The following KCNJ1 variants were observed in gnomAD, a reference collection of about 807,000 sequenced individuals.
The protein encoded by KCNJ1 is potassium inwardly rectifying channel subfamily J member 1.
Under a neutral mutation model 21.9 loss-of-function variants are expected in KCNJ1, and 24 were observed. The observed-to-expected ratio is 1.10, with a 90% CI of 0.79 to 1.54. The LOEUF is 1.54. Ranked by LOEUF, KCNJ1 falls within the 40% of genes most tolerant of loss-of-function variation. The probability of loss-of-function intolerance (pLI) is 0.00; values close to 1 mark genes in which losing one functional copy is unlikely to be tolerated. For synonymous variants in KCNJ1, 152 were observed against 160.9 expected (o/e 0.94, Z 0.42); for missense variants, 457 against 455.4 (o/e 1.00, Z -0.03).
chr11:128,843,047 T>A (rs1943315706), intron 2 of KCNJ1, among the ~76,000 whole-genome samples: 1 of 152,246 alleles, frequency 6.6e-6, no homozygotes, highest in South Asian at 2.1e-4. Flanking sequence ...CGGGAAAACC[T>A]GGCATTTACT....
chr11:128,839,520 A>C lies in KCNJ1; in HGVS notation c.724T>G (p.Phe242Val). 6.2e-7 allele frequency: 1 copy of C among 1,614,254 alleles called. No homozygotes were observed. The highest frequency in any genetic ancestry group is 1.1e-5 in the South Asian group (1 of 91,086). Residue 242 changes from phenylalanine (F) to valine (V), a missense_variant, in exon 3 of 3, where the codon TTC becomes GTC. Transcript: ENST00000392666. ...FVVDAGNENL[F>V]FISPLTIYHV... ...TAAATTGTCAATGGGGAGATGAAGA[A>C]TAAATTTTCATTCCCAGCGTCAACT...
In KCNJ1 at chr11:128,850,852, G is replaced by C. The variant is rs1244828147; in HGVS notation, c.-153C>G. 6.1e-6 allele frequency: 6 copies of C among 985,412 alleles called. No homozygotes were observed. Among genetic ancestry groups the C allele is most frequent in the Non-Finnish European group, 7.2e-6 (6 of 829,984 alleles). 61.0% of individuals were successfully genotyped at this position (985,412 alleles called of 1,614,324 possible). A position where few individuals can be genotyped will look rare whatever the true frequency, so the allele number is the denominator to read the frequency against. On this transcript the variant is annotated 5_prime_UTR_variant, in exon 2 of 3. Coordinates refer to ENST00000392666, the MANE Select transcript of KCNJ1 (RefSeq NM_153766.3). ...AGAACTTGTCACACTGTCTTTGTCA[G>C]GGCCCAGGATGGGGATGAAGGCACA...
chr11:128,860,684 G>A (rs1943689790), intron 1 of KCNJ1, among the ~76,000 whole-genome samples: 1 of 152,222 alleles, frequency 6.6e-6, no homozygotes, highest in Admixed American at 6.5e-5. Context: ...TGACCCCAAG[G>A]GGCAGGCGGG....
chr11:128,850,720 CCT>C lies in KCNJ1; in HGVS notation c.-23_-22del. The C allele has an allele frequency of 1.0e-6, 1 of 985,078 alleles. No homozygotes were observed. The highest frequency in any genetic ancestry group is 1.2e-6 in the Non-Finnish European group (1 of 829,606). The allele number at this position is 985,078 out of a possible 1,614,324, so 61.0% of individuals were successfully genotyped here. ...TGCTTATTGAAAATCAAGCCACTCACCTCTGTCAGAAGAGGTTCAGGAGATGA... is the reference window on the plus strand; with the variant it reads ...TGCTTATTGAAAATCAAGCCACTCACCTGTCAGAAGAGGTTCAGGAGATGA... On this transcript the variant is annotated splice_region_variant and 5_prime_UTR_variant, in exon 2 of 3. Coordinates refer to ENST00000392666, the MANE Select transcript of KCNJ1 (RefSeq NM_153766.3).
intron 2 of KCNJ1, among the ~76,000 whole-genome samples, 154 bp from the exon 3 acceptor site, chr11:128,840,418 CA>C (rs1214084260): frequency 2.7e-4 from 41 of 152,300 alleles, no homozygotes; most frequent in East Asian, 1.9e-4. Context: ...CTGGATACCA[CA>C]ATGCTATTTC....
chr11:128,853,865 T>C (rs922293167), intron 1 of KCNJ1, among the ~76,000 whole-genome samples: 1 of 152,214 alleles, frequency 6.6e-6, no homozygotes, highest in African/African-American at 2.4e-5. Context: ...TGATTTTCTC[T>C]GCCACAAGAG....
intron 1 of KCNJ1, among the ~76,000 whole-genome samples, chr11:128,860,804 CAG>C (rs137983142): frequency 0.026 from 4,012 of 152,292 alleles, 156 homozygotes; most frequent in African/African-American, 0.089. Context: ...CCCTGAAGGC[CAG>C]AGACCCAGCT....
intron 1 of KCNJ1, among the ~76,000 whole-genome samples, chr11:128,851,156 C>T (rs974370067): frequency 1.3e-5 from 2 of 152,168 alleles, no homozygotes; most frequent in Non-Finnish European, 2.9e-5. Context: ...ACACAATGAT[C>T]CACAGTCTTT....
intron 2 of KCNJ1, chr11:128,842,361 AT>A: frequency 6.2e-7 from 1 of 1,613,640 alleles, no homozygotes. Context: ...CAGAGAGGTG[AT>A]TTCCCCAGCC....
In KCNJ1 at chr11:128,839,620, A is replaced by G. The variant is rs769851541; in HGVS notation, c.624T>C (p.Tyr208=). The G allele has an allele frequency of 6.2e-6, 10 of 1,613,882 alleles. No homozygotes were observed. Among genetic ancestry groups the G allele is most frequent in the South Asian group, 4.4e-5 (4 of 91,090 alleles). Reference sequence around the variant, plus strand: ...TGACTGTGGTCTTCAGAAGCTTTCCATAAATGTGACTGCCAATAAGAAGGC... The same window carrying G: ...TGACTGTGGTCTTCAGAAGCTTTCCGTAAATGTGACTGCCAATAAGAAGGC... ...RKSLLIGSHI[Y]GKLLKTTVTP... Residue 208 remains tyrosine, a synonymous_variant, in exon 3 of 3, where the codon TAT becomes TAC. Transcript: ENST00000392666.
At chr11:128,846,245 T>C (rs1943377198) in intron 2 of KCNJ1, among the ~76,000 whole-genome samples, 1 of 152,124 alleles carries the variant, frequency 6.6e-6, no homozygotes, top group Non-Finnish European at 1.5e-5. Context: ...CTGATACAGG[T>C]GAGTTTCCTC....
Position 128,850,812 on chromosome 11 carries a change from C to T in KCNJ1, c.-113G>A. Reference sequence around the variant, plus strand: ...AGCAAGAGCTGCTTGGTTTGGGATTCCACCTGTGGGGCTCAGAACTTGTCA... The same window carrying T: ...AGCAAGAGCTGCTTGGTTTGGGATTTCACCTGTGGGGCTCAGAACTTGTCA... On this transcript the variant is annotated 5_prime_UTR_variant, in exon 2 of 3. It introduces an in-frame stop codon into an upstream open reading frame of the 5' UTR. Coordinates refer to ENST00000392666, the MANE Select transcript of KCNJ1 (RefSeq NM_153766.3). The T allele has an allele frequency of 1.0e-6, 1 of 985,438 alleles. No homozygotes were observed. The highest frequency in any genetic ancestry group is 4.7e-5 in the South Asian group (1 of 21,286). 61.0% of individuals were successfully genotyped at this position (985,438 alleles called of 1,614,324 possible).
rs146275914 is a variant in KCNJ1 at position 128,848,574 on chromosome 11, A to G, written c.-22+2147T>C. 1.5e-3 allele frequency among the ~76,000 whole-genome samples: 231 copies of G among 152,290 alleles called. 1 individual carries two copies. The highest frequency in any genetic ancestry group is 2.9e-3 in the Admixed American group (44 of 15,290). ...AGAAATGCTAGCATGTCTCAGCTGT[A>G]TGAAGAAAGACCAAAAGAAGCACTT... On this transcript the variant is annotated intron_variant, in intron 2 of 2. Transcript: ENST00000392666.
chr11:128,845,978 C>A (rs1459808318), intron 2 of KCNJ1, among the ~76,000 whole-genome samples: 2 of 152,150 alleles, frequency 1.3e-5, no homozygotes, highest in African/African-American at 4.8e-5. Flanking sequence ...TTGGTACTCT[C>A]AGGAGGCACA....
At chr11:128,846,376 TTC>T (rs1943379798) in intron 2 of KCNJ1, among the ~76,000 whole-genome samples, 1 of 152,184 alleles carries the variant, frequency 6.6e-6, no homozygotes, top group Non-Finnish European at 1.5e-5. Context: ...TTATAACTGG[TTC>T]CCAAATTTCA....
intron 1 of KCNJ1, among the ~76,000 whole-genome samples, chr11:128,864,493 C>T (rs79559420): frequency 6.6e-6 from 1 of 151,966 alleles, no homozygotes; most frequent in East Asian, 1.9e-4. Context: ...TTCTGCACAC[C>T]CTGCTTGTTC....
chr11:128,854,950 G>A lies in KCNJ1; in HGVS notation c.-191-4060C>T, dbSNP rs150743741. Among the ~76,000 whole-genome samples the A allele has an allele frequency of 2.3e-4, 35 of 152,304 alleles. No individual in the cohort carries two copies. In the South Asian group the frequency reaches 7.1e-3, roughly 31 times the overall value. On this transcript the variant is annotated intron_variant, in intron 1 of 2. Coordinates refer to ENST00000392666, the MANE Select transcript of KCNJ1 (RefSeq NM_153766.3). ...TGGTCTAGCTGGAGCGCACGTGCAG[G>A]CTCCCCACTGAGTCTCTGGCCTTGA...
chr11:128,864,205 G>GC (rs1371462402), intron 1 of KCNJ1, among the ~76,000 whole-genome samples: 1 of 147,074 alleles, frequency 6.8e-6, no homozygotes, highest in Non-Finnish European at 1.5e-5. Context: ...TCATGCCTCA[G>GC]CCCCCTGAGA....
chr11:128,849,893 C>T (rs1943451278), intron 2 of KCNJ1, among the ~76,000 whole-genome samples: 1 of 152,140 alleles, frequency 6.6e-6, no homozygotes, highest in Admixed American at 6.5e-5. Flanking sequence ...TCCAACCCCT[C>T]CTGCCCGCCC....
Sources: gnomAD v4.1 joint callset for allele counts (sites outside exome capture counted in the v4.1 genomes callset) on GRCh38, gnomAD v4.1.1 for gene constraint, MANE v1.5 for transcripts, NCBI Gene and HGNC (gene_info 2026-07-23, HGNC 2026-07-21) for gene names.